Variants in PHF24 observed in about 807,000 individuals in gnomAD.
PHF24 encodes the protein Galpha inhibitory interacting protein.
A neutral mutation model predicts 42.6 loss-of-function variants in PHF24; 25 were observed. That is an observed-to-expected ratio of 0.59 (90% confidence interval 0.43 to 0.82). PHF24 has a LOEUF of 0.82. PHF24 is among the 40% of genes least tolerant of loss of function. The pLI is 0.00. For missense variants in PHF24, 470 were observed against 538.1 expected, an observed-to-expected ratio of 0.87 and a Z score of 1.25; for synonymous variants, 185 against 204.8, an observed-to-expected ratio of 0.90 and a Z score of 0.83.
chr9:34,928,966 A>C, the PHF24 span, among the ~76,000 whole-genome samples: 1 of 152,146 alleles, frequency 6.6e-6, no homozygotes, highest in Admixed American at 6.5e-5. Flanking sequence ...GCTTCTAGAT[A>C]CAGACCACTG....
the PHF24 span, among the ~76,000 whole-genome samples, chr9:34,759,682 C>T: frequency 6.6e-6 from 1 of 152,174 alleles, no homozygotes; most frequent in African/African-American, 2.4e-5. Flanking sequence ...TGACCTCTTG[C>T]CCCCAGCAGA....
the PHF24 span, among the ~76,000 whole-genome samples, chr9:34,795,864 G>A: frequency 2.6e-5 from 4 of 152,030 alleles, no homozygotes; most frequent in African/African-American, 9.7e-5. Context: ...CAGGCATGGT[G>A]GTACATGCCT....
the PHF24 span, among the ~76,000 whole-genome samples, chr9:34,677,389 G>GT: frequency 0.021 from 1,663 of 79,714 alleles, 75 homozygotes; most frequent in East Asian, 0.04. Flanking sequence ...TTTGTAAACT[G>GT]TTTTTTTTTT....
intron 7 of PHF24, 88 bp downstream of exon 7, chr9:34,977,729 C>T: frequency 1.7e-6 from 2 of 1,169,180 alleles, no homozygotes; most frequent in Non-Finnish European, 2.5e-6. Context: ...CACTCCCACT[C>T]CAAAACAGCA....
chr9:34,847,071 T>C, the PHF24 span, among the ~76,000 whole-genome samples: 1 of 152,220 alleles, frequency 6.6e-6, no homozygotes, highest in East Asian at 1.9e-4. Context: ...TAGGATTGAC[T>C]TGGTGATGTG....
the PHF24 span, chr9:34,691,423 G>A: frequency 2.2e-6 from 1 of 449,686 alleles, no homozygotes; most frequent in Non-Finnish European, 4.0e-6. Flanking sequence ...CCCTGCGGTT[G>A]CCCTTTCCTT....
the PHF24 span, among the ~76,000 whole-genome samples, chr9:34,925,157 C>A: frequency 6.6e-6 from 1 of 151,930 alleles, no homozygotes; most frequent in Non-Finnish European, 1.5e-5. Flanking sequence ...TTTTTTATTT[C>A]AGTATTTTGA....
upstream of PHF24, among the ~76,000 whole-genome samples, chr9:34,955,744 A>G (rs913265662): frequency 6.6e-6 from 1 of 152,208 alleles, no homozygotes; most frequent in Admixed American, 6.5e-5. Flanking sequence ...AGCTGCCCCC[A>G]GACCAACCTT....
At chr9:34,692,785 C>CTTTTTT in the PHF24 span, among the ~76,000 whole-genome samples, 1 of 120,064 alleles carries the variant, frequency 8.3e-6, no homozygotes, top group Non-Finnish European at 1.7e-5. Flanking sequence ...TTCTTTTGTC[C>CTTTTTT]TTTTTTTTTT....
chr9:34,704,865 A>T, the PHF24 span, among the ~76,000 whole-genome samples: 1 of 152,144 alleles, frequency 6.6e-6, no homozygotes, highest in Non-Finnish European at 1.5e-5. Flanking sequence ...CAACAAAAAT[A>T]CATGGTATTA....
At chr9:34,849,371 C>T in the PHF24 span, among the ~76,000 whole-genome samples, 1 of 151,904 alleles carries the variant, frequency 6.6e-6, no homozygotes, top group Non-Finnish European at 1.5e-5. Context: ...TTCTTTGTCT[C>T]TTTTGATCTT....
At chr9:34,708,613 T>C in the PHF24 span, among the ~76,000 whole-genome samples, 1 of 152,192 alleles carries the variant, frequency 6.6e-6, no homozygotes, top group Non-Finnish European at 1.5e-5. Context: ...AAGAACCACT[T>C]GGAGGGTCTC....
At chr9:34,832,399 G>C in the PHF24 span, 1 of 1,111,728 alleles carries the variant, frequency 9.0e-7, no homozygotes, top group South Asian at 1.4e-5. Context: ...TGTCTGGAGT[G>C]TAACCGAAGC....
chr9:34,807,561 G>A, the PHF24 span, among the ~76,000 whole-genome samples: 1 of 152,162 alleles, frequency 6.6e-6, no homozygotes, highest in Non-Finnish European at 1.5e-5. Context: ...ACATTTGACC[G>A]TATCCTCTGG....
the PHF24 span, chr9:34,918,359 C>A: frequency 2.3e-5 from 17 of 728,382 alleles, no homozygotes; most frequent in South Asian, 1.5e-4. Flanking sequence ...ACTCTTCCCC[C>A]TCTCCCAGTT....
At chr9:34,745,342 A>G in the PHF24 span, among the ~76,000 whole-genome samples, 3 of 152,132 alleles carry the variant, frequency 2.0e-5, no homozygotes, top group Non-Finnish European at 4.4e-5. Context: ...TCAATTTTCC[A>G]TCCATCAATC....
At chr9:34,873,056 T>A in the PHF24 span, among the ~76,000 whole-genome samples, 2 of 149,634 alleles carry the variant, frequency 1.3e-5, no homozygotes, top group African/African-American at 2.4e-5. Context: ...GGGTTGTTTG[T>A]TTTTTTCTTG....
the PHF24 span, among the ~76,000 whole-genome samples, chr9:34,674,226 TATA>T: frequency 6.6e-6 from 1 of 152,236 alleles, no homozygotes; most frequent in Admixed American, 6.5e-5. Flanking sequence ...TTTCCCAGTT[TATA>T]ATGAGTGGAA....
the PHF24 span, chr9:34,724,529 C>T: frequency 4.5e-6 from 7 of 1,550,806 alleles, no homozygotes; most frequent in Non-Finnish European, 6.1e-6. Context: ...GGGAATTCCC[C>T]ATTGTATCTC....
Sources: gnomAD v4.1 joint callset for allele counts (sites outside exome capture counted in the v4.1 genomes callset) on GRCh38, gnomAD v4.1.1 for gene constraint, MANE v1.5 for transcripts, NCBI Gene and HGNC (gene_info 2026-07-23, HGNC 2026-07-21) for gene names.